Variants in CA10 observed in about 807,000 individuals in gnomAD.
The protein encoded by CA10 is carbonic anhydrase 10 (inactive).
A neutral mutation model predicts 44.2 loss-of-function variants in CA10; 14 were observed. That is an observed-to-expected ratio of 0.32 (90% confidence interval 0.21 to 0.50). The LOEUF (loss-of-function observed/expected upper bound fraction) is 0.50. Ranked by LOEUF, CA10 falls within the 20% of genes least tolerant of loss-of-function variation. The pLI is 0.99. For synonymous variants in CA10, 159 were observed against 141.6 expected (o/e 1.12, Z -0.87); for missense variants, 350 against 409.7 (o/e 0.85, Z 1.26).
At chr17:52,116,249 C>T (rs1035876648) in intron 1 of CA10, among the ~76,000 whole-genome samples, 1 of 152,016 alleles carries the variant, frequency 6.6e-6, no homozygotes, top group African/African-American at 2.4e-5. Flanking sequence ...AGAGATTTTT[C>T]CTTTTAGAAG....
intron 4 of CA10, among the ~76,000 whole-genome samples, chr17:51,662,756 CTAAAAA>C (rs1380288989): frequency 2.0e-5 from 3 of 152,078 alleles, no homozygotes; most frequent in Non-Finnish European, 4.4e-5. Context: ...GCAATTATGG[CTAAAAA>C]TAAAAATAAT....
At chr17:51,852,972 C>T (rs1008287355) in intron 3 of CA10, among the ~76,000 whole-genome samples, 1 of 151,868 alleles carries the variant, frequency 6.6e-6, no homozygotes, top group Admixed American at 6.6e-5. Context: ...TTTAGAAACC[C>T]TAATTTGTCT....
At chr17:51,974,396 A>C (rs569644011) in intron 2 of CA10, among the ~76,000 whole-genome samples, 1,648 of 92,714 alleles carry the variant, frequency 0.018, 42 homozygotes, top group African/African-American at 0.067. Flanking sequence ...TAAAAAAAAA[A>C]AACAAAAACA....
At chr17:51,928,821 A>C (rs1982534077) in intron 3 of CA10, among the ~76,000 whole-genome samples, 1 of 152,194 alleles carries the variant, frequency 6.6e-6, no homozygotes, top group Non-Finnish European at 1.5e-5. Context: ...CACCTTCAAA[A>C]TGTGATACAA....
intron 2 of CA10, among the ~76,000 whole-genome samples, chr17:51,968,629 G>A (rs2144064580): frequency 6.6e-6 from 1 of 151,970 alleles, no homozygotes; most frequent in African/African-American, 2.4e-5. Flanking sequence ...TGAGGGGTGA[G>A]TGAACTGTTC....
intron 1 of CA10, among the ~76,000 whole-genome samples, chr17:52,075,231 T>C (rs1012791673): frequency 2.0e-5 from 3 of 152,190 alleles, no homozygotes; most frequent in African/African-American, 7.2e-5. Flanking sequence ...TATTTCAATA[T>C]GTAAATACCT....
intron 2 of CA10, among the ~76,000 whole-genome samples, chr17:52,012,525 G>T (rs189075208): frequency 7.1e-4 from 108 of 151,928 alleles, no homozygotes; most frequent in African/African-American, 2.1e-3. Flanking sequence ...GAGGTGAAAG[G>T]GCCCTTAGAT....
chr17:51,741,911 T>C (rs1414446944), intron 4 of CA10, among the ~76,000 whole-genome samples: 3 of 152,156 alleles, frequency 2.0e-5, no homozygotes, highest in Non-Finnish European at 1.5e-5. Context: ...ACATAATAGA[T>C]TGGGGTCAGC....
Position 51,858,768 on chromosome 17 carries a change from T to C in CA10, c.279+72222A>G, listed in dbSNP as rs146711773. Among the ~76,000 whole-genome samples the C allele has an allele frequency of 1.1e-4, 16 of 152,298 alleles. No individual in the cohort carries two copies. The East Asian group carries it at 3.1e-3, about 29-fold the overall frequency. ...TGCAAACCTACTGAGAGAAACATCA[T>C]ATGGAAATAATTTCAGTGGCTAGTG... On this transcript the variant is annotated intron_variant, in intron 3 of 8. Transcript: ENST00000451037.
chr17:51,859,682 C>G (rs1979215910), intron 3 of CA10, among the ~76,000 whole-genome samples: 2 of 152,008 alleles, frequency 1.3e-5, no homozygotes, highest in Admixed American at 1.3e-4. Flanking sequence ...TCTGTTTCCT[C>G]ATATAAAAAA....
chr17:51,661,904 C>T (rs567123126), intron 4 of CA10: 1 of 152,300 alleles, frequency 6.6e-6, no homozygotes, highest in Non-Finnish European at 1.5e-5. Flanking sequence ...GTACCTGTCA[C>T]AACTACTCAA....
intron 2 of CA10, among the ~76,000 whole-genome samples, chr17:51,944,571 A>T (rs747398232): frequency 1.6e-4 from 24 of 152,202 alleles, no homozygotes; most frequent in Non-Finnish European, 2.9e-4. Context: ...CGGTTTAGTA[A>T]ATTAGGTATA....
chr17:51,978,746 T>C (rs1014141283), intron 2 of CA10, among the ~76,000 whole-genome samples: 1 of 152,058 alleles, frequency 6.6e-6, no homozygotes, highest in African/African-American at 2.4e-5. Flanking sequence ...GTAAAGCTAT[T>C]TGTTGCTCCA....
chr17:51,768,040 G>C (rs944226263), intron 3 of CA10, among the ~76,000 whole-genome samples: 6 of 152,050 alleles, frequency 3.9e-5, no homozygotes, highest in African/African-American at 1.5e-4. Context: ...TCCAAGCCGG[G>C]ATACTACATT....
intron 2 of CA10, among the ~76,000 whole-genome samples, chr17:52,018,073 C>T (rs556991875): frequency 2.2e-4 from 33 of 152,230 alleles, no homozygotes; most frequent in African/African-American, 7.7e-4. Context: ...GCAGCTTCCA[C>T]CCAGATTTCA....
At chr17:51,842,936 A>G (rs1978346601) in intron 3 of CA10, among the ~76,000 whole-genome samples, 1 of 152,236 alleles carries the variant, frequency 6.6e-6, no homozygotes, top group Non-Finnish European at 1.5e-5. Context: ...GAAGTTGAAC[A>G]AGGGGAATGC....
intron 1 of CA10, among the ~76,000 whole-genome samples, chr17:52,103,896 T>A (rs766471612): frequency 1.3e-5 from 2 of 152,202 alleles, no homozygotes; most frequent in South Asian, 4.1e-4. Flanking sequence ...TGTTTCCACA[T>A]GGGCAGACTG....
intron 2 of CA10, among the ~76,000 whole-genome samples, chr17:52,027,100 G>A (rs1986325089): frequency 6.6e-6 from 1 of 152,080 alleles, no homozygotes; most frequent in Non-Finnish European, 1.5e-5. Context: ...TAGGGGCGAT[G>A]GGAGATAGTG....
chr17:52,127,702 A>G (rs916383097), intron 1 of CA10, among the ~76,000 whole-genome samples: 9 of 152,182 alleles, frequency 5.9e-5, no homozygotes, highest in African/African-American at 1.9e-4. Flanking sequence ...TCAGCTGGCA[A>G]TGGTTCTCCC....
Sources: gnomAD v4.1 joint callset for allele counts (sites outside exome capture counted in the v4.1 genomes callset) on GRCh38, gnomAD v4.1.1 for gene constraint, MANE v1.5 for transcripts, NCBI Gene and HGNC (gene_info 2026-07-23, HGNC 2026-07-21) for gene names.